The following OOSP4B variants were observed in gnomAD, a reference collection of about 807,000 sequenced individuals.
OOSP4B encodes the protein oocyte-secreted protein 4B.
chr11:60,025,647 C>T (rs939971301), intron 3 of OOSP4B, among the ~76,000 whole-genome samples: 5 of 152,070 alleles, frequency 3.3e-5, no homozygotes, highest in Admixed American at 6.6e-5. Flanking sequence ...TCATTAGATA[C>T]GTATTATTTG....
intron 1 of OOSP4B, among the ~76,000 whole-genome samples, chr11:60,020,888 C>T (rs1854684771): frequency 6.6e-6 from 1 of 152,190 alleles, no homozygotes; most frequent in South Asian, 2.1e-4. Flanking sequence ...CCAGCTTGGA[C>T]GACAGAGGGA....
chr11:60,029,216 G>A (rs1854778816), intron 3 of OOSP4B, among the ~76,000 whole-genome samples: 1 of 152,134 alleles, frequency 6.6e-6, no homozygotes, highest in Non-Finnish European at 1.5e-5. Context: ...TGAGAGACGA[G>A]CAAACCACAT....
At chr11:60,029,689 A>C (rs1473767444) in intron 3 of OOSP4B, 93 bp from the exon 4 acceptor site, 3 of 396,396 alleles carry the variant, frequency 7.6e-6, no homozygotes, top group African/African-American at 2.1e-5. Context: ...TTGGGTTATC[A>C]CTTATAACGA....
intron 3 of OOSP4B, among the ~76,000 whole-genome samples, chr11:60,027,799 G>A (rs554396844): frequency 9.2e-5 from 14 of 151,776 alleles, no homozygotes; most frequent in African/African-American, 3.1e-4. Flanking sequence ...AATTAGCCAG[G>A]CCTGGTGGCA....
At chr11:60,019,029 C>G (rs1854655852) in intron 1 of OOSP4B, among the ~76,000 whole-genome samples, 1 of 151,864 alleles carries the variant, frequency 6.6e-6, no homozygotes, top group Non-Finnish European at 1.5e-5. Flanking sequence ...CCAGCCTGAC[C>G]AATATGGCGA....
chr11:60,022,268 C>T (rs1292942540), intron 1 of OOSP4B: 2 of 152,114 alleles, frequency 1.3e-5, no homozygotes, highest in East Asian at 1.9e-4. Flanking sequence ...ATTCCCGTTT[C>T]GACATGGACC....
chr11:60,021,105 A>G (rs1024266587), intron 1 of OOSP4B, among the ~76,000 whole-genome samples: 4 of 152,188 alleles, frequency 2.6e-5, no homozygotes, highest in African/African-American at 4.8e-5. Context: ...TTCTCTTCAC[A>G]TGTTTTTACC....
At chr11:60,018,582 C>T (rs1304728119) in intron 1 of OOSP4B, among the ~76,000 whole-genome samples, 12 of 152,172 alleles carry the variant, frequency 7.9e-5, no homozygotes, top group Admixed American at 7.2e-4. Flanking sequence ...ACCACTGCTG[C>T]GTTTCACATA....
At chr11:60,027,940 A>G (rs1854761405) in intron 3 of OOSP4B, among the ~76,000 whole-genome samples, 1 of 149,386 alleles carries the variant, frequency 6.7e-6, no homozygotes, top group Non-Finnish European at 1.5e-5. Context: ...ATTGTCTTTA[A>G]AAAAAAAAGC....
chr11:60,030,736 G>A (rs749788833), intron 4 of OOSP4B, 66 bp from the exon 5 acceptor site: 47 of 397,528 alleles, frequency 1.2e-4, no homozygotes, highest in Non-Finnish European at 2.0e-4. Context: ...TTCTCTGAAC[G>A]TGTTTTCTTT....
At chr11:60,017,581 C>T (rs1854640682) in intron 1 of OOSP4B, among the ~76,000 whole-genome samples, 168 bp downstream of exon 1, 1 of 151,854 alleles carries the variant, frequency 6.6e-6, no homozygotes, top group Admixed American at 6.6e-5. Flanking sequence ...TATAAACCAA[C>T]AGGTAGGGCT....
chr11:60,030,261 G>GTATA (rs1191344511), intron 4 of OOSP4B, among the ~76,000 whole-genome samples: 56 of 152,216 alleles, frequency 3.7e-4, no homozygotes, highest in African/African-American at 1.3e-3. Flanking sequence ...ACTAATATTT[G>GTATA]TAGAAAAACA....
intron 1 of OOSP4B, among the ~76,000 whole-genome samples, chr11:60,019,083 C>T (rs1364989276): frequency 3.3e-5 from 5 of 151,992 alleles, no homozygotes; most frequent in Non-Finnish European, 4.4e-5. Flanking sequence ...ATTAGTCGGG[C>T]ATGGTGGTGC....
At chr11:60,025,522 G>C (rs1423711901) in intron 3 of OOSP4B, among the ~76,000 whole-genome samples, 1 of 152,158 alleles carries the variant, frequency 6.6e-6, no homozygotes, top group African/African-American at 2.4e-5. Flanking sequence ...TGTAGAAATA[G>C]AATCGCAGCA....
At chr11:60,020,212 C>T (rs1286390) in intron 1 of OOSP4B, among the ~76,000 whole-genome samples, 63,120 of 152,128 alleles carry the variant, frequency 0.41, 14,175 homozygotes, top group African/African-American at 0.55. Context: ...GATCCCATAC[C>T]GGGGCTGCAG....
intron 1 of OOSP4B, chr11:60,019,679 C>G (rs908468855): frequency 1.3e-5 from 2 of 152,406 alleles, no homozygotes; most frequent in Non-Finnish European, 2.9e-5. Flanking sequence ...TGCAGACCTT[C>G]GCATGAGTGT....
At chr11:60,017,337 C>A in exon 1 of OOSP4B, 1 of 398,592 alleles carries the variant, frequency 2.5e-6, no homozygotes, top group Non-Finnish European at 4.4e-6. Context: ...ACTCAAGGAA[C>A]CCCCAGCTCC....
intron 4 of OOSP4B, among the ~76,000 whole-genome samples, 178 bp from the exon 5 acceptor site, chr11:60,030,624 C>G (rs1854797623): frequency 6.6e-6 from 1 of 152,150 alleles, no homozygotes; most frequent in Non-Finnish European, 1.5e-5. Context: ...AGCATAATAT[C>G]TAATGGTTAT....
intron 4 of OOSP4B, among the ~76,000 whole-genome samples, chr11:60,030,291 G>A (rs1039948805): frequency 5.3e-5 from 8 of 152,174 alleles, no homozygotes; most frequent in Non-Finnish European, 1.2e-4. Flanking sequence ...ACATATATGT[G>A]TATAAAATAA....
Sources: gnomAD v4.1 joint callset for allele counts (sites outside exome capture counted in the v4.1 genomes callset) on GRCh38, gnomAD v4.1.1 for gene constraint, MANE v1.5 for transcripts, NCBI Gene and HGNC (gene_info 2026-07-23, HGNC 2026-07-21) for gene names.